The following GRK5 variants were observed in gnomAD, a reference collection of about 807,000 sequenced individuals.
GRK5 encodes g protein-coupled receptor kinase GRK5.
In GRK5, 40 loss-of-function variants were observed where a neutral mutation model predicts 78.4. The ratio of observed to expected loss-of-function variants is 0.51; its 90% CI spans 0.40 to 0.66. GRK5 has a LOEUF of 0.66. Among genes scored for constraint, GRK5 ranks in the 30% least tolerant of loss-of-function variants. GRK5 has a pLI of 0.00. For synonymous variants in GRK5, 289 were observed against 296.8 expected, an observed-to-expected ratio of 0.97 and a Z score of 0.27; for missense variants, 598 against 759.9, an observed-to-expected ratio of 0.79 and a Z score of 2.50.
chr10:119,211,930 A>G (rs1453489481), intron 1 of GRK5, among the ~76,000 whole-genome samples: 1 of 152,198 alleles, frequency 6.6e-6, no homozygotes, highest in Non-Finnish European at 1.5e-5. Context: ...AAACCAAAAC[A>G]TGGTGAATTA....
intron 1 of GRK5, among the ~76,000 whole-genome samples, chr10:119,311,761 C>T (rs1177059104): frequency 6.6e-6 from 1 of 150,590 alleles, no homozygotes; most frequent in Non-Finnish European, 1.5e-5. Flanking sequence ...TGCACTCCAG[C>T]CTGGGTGACA....
intron 1 of GRK5, among the ~76,000 whole-genome samples, chr10:119,272,649 G>A (rs1300844782): frequency 3.3e-5 from 5 of 151,600 alleles, no homozygotes; most frequent in African/African-American, 1.2e-4. Flanking sequence ...TCATGGGGTC[G>A]TTGCGAGCAT....
intron 3 of GRK5, among the ~76,000 whole-genome samples, chr10:119,382,793 T>C (rs1851734461): frequency 6.6e-6 from 1 of 152,240 alleles, no homozygotes; most frequent in African/African-American, 2.4e-5. Context: ...TTTTCTTGAC[T>C]CTAGGCTCCC....
Position 119,269,689 on chromosome 10 carries a change from C to T in GRK5, c.53-56827C>T, listed in dbSNP as rs112921508. Among the ~76,000 whole-genome samples the T allele has an allele frequency of 1.6e-3, 238 of 151,878 alleles. 4 individuals carry two copies. Among genetic ancestry groups the T allele is most frequent in the African/African-American group, 5.1e-3 (212 of 41,364 alleles). On this transcript the variant is annotated intron_variant, in intron 1 of 15. Coordinates refer to ENST00000392870, the MANE Select transcript of GRK5 (RefSeq NM_005308.3). ...CTACTAAAAATACAAAAAAATTAGC[C>T]GGGCATGGTGGTGTGCTCCTGTAAT...
rs534227621 is a variant in GRK5, at chr10:119,370,354, C to T, written c.149-10461C>T. Among the ~76,000 whole-genome samples, 20 of 152,300 alleles carry T rather than the reference C, an allele frequency of 1.3e-4. No homozygotes were observed. In the East Asian group the frequency reaches 3.3e-3, roughly 25 times the overall value. On this transcript the variant is annotated intron_variant, in intron 2 of 15. Coordinates refer to ENST00000392870, the MANE Select transcript of GRK5 (RefSeq NM_005308.3). Reference sequence around the variant, plus strand: ...TTGTGAGACTTGGGCTTAATAATTTCGATCCCACAGAAACATGTGACAAGC... The same window carrying T: ...TTGTGAGACTTGGGCTTAATAATTTTGATCCCACAGAAACATGTGACAAGC...
chr10:119,304,642 C>G (rs1850242690), intron 1 of GRK5, among the ~76,000 whole-genome samples: 2 of 152,156 alleles, frequency 1.3e-5, no homozygotes, highest in Admixed American at 6.5e-5. Context: ...ACCCACAGGC[C>G]CCTGAGTCCC....
Position 119,336,495 on chromosome 10 carries a change from C to T in GRK5, c.148+9884C>T, listed in dbSNP as rs1328303234. Reference sequence around the variant, plus strand: ...GCATGTTCTTTGTCTAATTAAAAATCAAATGAATAAAGACCAAATACCCTG... The same window carrying T: ...GCATGTTCTTTGTCTAATTAAAAATTAAATGAATAAAGACCAAATACCCTG... On this transcript the variant is annotated intron_variant, in intron 2 of 15. Transcript: ENST00000392870. This position sits in a 1 kb window ranked among gnomAD's most constrained non-coding sequence, Gnocchi z 4.5. 5.3e-5 allele frequency among the ~76,000 whole-genome samples: 8 copies of T among 152,118 alleles called. No homozygotes were observed. In the East Asian group the frequency reaches 1.5e-3, roughly 29 times the overall value.
At chr10:119,380,955 C>G (rs762231295) in intron 3 of GRK5, 28 bp downstream of exon 3, 2 of 1,295,660 alleles carry the variant, frequency 1.5e-6, no homozygotes, top group East Asian at 4.7e-5. Context: ...AGGGATGGTC[C>G]TGTGGTCCTC....
At chr10:119,347,533 G>A (rs879858360) in intron 2 of GRK5, among the ~76,000 whole-genome samples, 3 of 152,266 alleles carry the variant, frequency 2.0e-5, no homozygotes, top group African/African-American at 7.2e-5. Flanking sequence ...CTGAAGGCAA[G>A]GTGTTGGCTG....
At chr10:119,384,050 T>C (rs1257819891) in intron 3 of GRK5, among the ~76,000 whole-genome samples, 4 of 152,174 alleles carry the variant, frequency 2.6e-5, no homozygotes, top group Non-Finnish European at 5.9e-5. Context: ...GCCCACCTTT[T>C]CACCGTTGGC....
rs540363376 is a variant in GRK5, at chr10:119,261,663, G to A, written c.52+53694G>A. Among the ~76,000 whole-genome samples, 645 of 152,356 alleles carry A rather than the reference G, an allele frequency of 4.2e-3. 2 individuals are homozygous for A. The highest frequency in any genetic ancestry group is 0.015 in the African/African-American group (613 of 41,596). On this transcript the variant is annotated intron_variant, in intron 1 of 15. Coordinates refer to ENST00000392870, the MANE Select transcript of GRK5 (RefSeq NM_005308.3). ...TGCAATCCCGGCACCTCGGGAGGCC[G>A]AGGCTGGCGGATCACTCGCGGTTAG... is the stretch of plus-strand genomic sequence containing the variant.
chr10:119,363,872 T>C (rs1320353764), intron 2 of GRK5, among the ~76,000 whole-genome samples: 1 of 152,174 alleles, frequency 6.6e-6, no homozygotes, highest in Non-Finnish European at 1.5e-5. Context: ...GGGAGATCTA[T>C]TACTATAGAA....
At chr10:119,318,678 G>A (rs1850532695) in intron 1 of GRK5, among the ~76,000 whole-genome samples, 1 of 152,088 alleles carries the variant, frequency 6.6e-6, no homozygotes. Context: ...GGCTGACACT[G>A]CCACAGGGAC....
At chr10:119,295,493 T>G (rs1197078003) in intron 1 of GRK5, among the ~76,000 whole-genome samples, 1 of 152,068 alleles carries the variant, frequency 6.6e-6, no homozygotes, top group African/African-American at 2.4e-5. Flanking sequence ...AAATAAGTCA[T>G]TATATGGAAA....
Position 119,397,346 on chromosome 10 carries a change from A to G in GRK5, c.339+574A>G, listed in dbSNP as rs538089743. Reference sequence around the variant, plus strand: ...AGGGTCCAGCAGCCTCGGTTCTCCAAGATCTGCTTCCTCTTGACTCACCTT... The same window carrying G: ...AGGGTCCAGCAGCCTCGGTTCTCCAGGATCTGCTTCCTCTTGACTCACCTT... On this transcript the variant is annotated intron_variant, in intron 4 of 15. Transcript: ENST00000392870. Among the ~76,000 whole-genome samples the G allele has an allele frequency of 6.6e-5, 10 of 152,294 alleles. No homozygotes were observed. In the South Asian group the frequency reaches 2.1e-3, roughly 32 times the overall value.
At chr10:119,344,287 G>C (rs1015502424) in intron 2 of GRK5, among the ~76,000 whole-genome samples, 1 of 151,704 alleles carries the variant, frequency 6.6e-6, no homozygotes, top group African/African-American at 2.4e-5. Context: ...CCATTAACTC[G>C]TCATTTACAT....
intron 1 of GRK5, among the ~76,000 whole-genome samples, chr10:119,295,265 T>C (rs1463576332): frequency 6.7e-6 from 1 of 150,130 alleles, no homozygotes; most frequent in Non-Finnish European, 1.5e-5. Context: ...AGAGAACATA[T>C]CCTGTTTGTG....
At chr10:119,208,113 C>T in intron 1 of GRK5, 144 bp downstream of exon 1, 1 of 696,922 alleles carries the variant, frequency 1.4e-6, no homozygotes, top group Non-Finnish European at 2.3e-6. Flanking sequence ...CGGAGAGCGG[C>T]TCTGCAGACC....
chr10:119,249,600 C>T (rs1038137484), intron 1 of GRK5, among the ~76,000 whole-genome samples: 1 of 152,082 alleles, frequency 6.6e-6, no homozygotes, highest in Non-Finnish European at 1.5e-5. Context: ...CAGGTTCAAG[C>T]AATTCTCTTG....
Sources: gnomAD v4.1 joint callset for allele counts (sites outside exome capture counted in the v4.1 genomes callset) on GRCh38, gnomAD v4.1.1 for gene constraint, Gnocchi (gnomAD v3.1) non-coding constraint, MANE v1.5 for transcripts, NCBI Gene and HGNC (gene_info 2026-07-23, HGNC 2026-07-21) for gene names.